GLIS3: variants seen among roughly 807,000 people sequenced by gnomAD.
GLIS3 encodes GLIS family zinc finger 3.
Under a neutral mutation model 78.6 loss-of-function variants are expected in GLIS3, and 53 were observed. That is an observed-to-expected ratio of 0.67 (90% CI 0.54 to 0.85). The LOEUF is 0.85. GLIS3 is among the 40% of genes least tolerant of loss of function. GLIS3 has a pLI of 0.00. For synonymous variants in GLIS3, 684 were observed against 509.9 expected (o/e 1.34, Z -4.60); for missense variants, 1,703 against 1,231.1 (o/e 1.38, Z -5.74).
intron 4 of GLIS3, among the ~76,000 whole-genome samples, chr9:4,049,594 C>T (rs569097854): frequency 7.2e-5 from 11 of 152,240 alleles, no homozygotes; most frequent in East Asian, 3.9e-4. Context: ...AACACACTTG[C>T]GCACACATAG....
At chr9:4,236,229 A>G (rs921668128) in intron 2 of GLIS3, among the ~76,000 whole-genome samples, 5 of 146,400 alleles carry the variant, frequency 3.4e-5, no homozygotes, top group African/African-American at 1.3e-4. Context: ...AGAAAGGAAA[A>G]AAAAGAAAAA....
At chr9:4,445,741 G>A in the GLIS3 span, among the ~76,000 whole-genome samples, 2 of 152,174 alleles carry the variant, frequency 1.3e-5, no homozygotes, top group South Asian at 2.1e-4. Flanking sequence ...CATGTTAGGC[G>A]CAACTCAAAC....
the GLIS3 span, among the ~76,000 whole-genome samples, chr9:4,418,745 G>C: frequency 6.6e-6 from 1 of 152,096 alleles, no homozygotes; most frequent in Non-Finnish European, 1.5e-5. Context: ...GTTGATTCCA[G>C]AATTGGAGGG....
chr9:4,187,502 C>G (rs1309092601), intron 2 of GLIS3, among the ~76,000 whole-genome samples: 2 of 152,044 alleles, frequency 1.3e-5, no homozygotes, highest in Non-Finnish European at 2.9e-5. Context: ...TCCATATGAA[C>G]TTTAAAGTAG....
intron 2 of GLIS3, among the ~76,000 whole-genome samples, chr9:4,191,738 A>T (rs1216275796): frequency 6.6e-6 from 1 of 152,252 alleles, no homozygotes; most frequent in Non-Finnish European, 1.5e-5. Context: ...TAGTAAATGA[A>T]AATGAATTGA....
chr9:4,247,530 C>A (rs1021207620), intron 2 of GLIS3, among the ~76,000 whole-genome samples: 2 of 152,080 alleles, frequency 1.3e-5, no homozygotes, highest in African/African-American at 4.8e-5. Context: ...CTCTAAAGCC[C>A]ATCCACAGAT....
intron 2 of GLIS3, among the ~76,000 whole-genome samples, chr9:4,203,181 T>G (rs921588702): frequency 6.6e-6 from 1 of 152,184 alleles, no homozygotes; most frequent in Admixed American, 6.5e-5. Context: ...AATAGACAGT[T>G]CTCAAAAGAA....
At position 4,143,955 on chromosome 9, in the gene GLIS3, A is replaced by G. The variant is rs200400549; in HGVS notation, c.389-18014T>C. Among the ~76,000 whole-genome samples, 4 of 152,372 alleles carry G rather than the reference A, an allele frequency of 2.6e-5. No homozygotes were observed. In the East Asian group the frequency reaches 7.7e-4, roughly 29 times the overall value. ...CTAGGATCAAGCCAGTGAGAAAGAA[A>G]AGAGAATAGACGACGTCTCCCTTCC... On this transcript the variant is annotated intron_variant, in intron 2 of 10. Transcript: ENST00000381971.
chr9:4,076,451 T>C (rs1278191814), intron 4 of GLIS3, among the ~76,000 whole-genome samples: 1 of 152,204 alleles, frequency 6.6e-6, no homozygotes, highest in Non-Finnish European at 1.5e-5. Flanking sequence ...TAAAGTTTTG[T>C]TCTGAGTACC....
intron 6 of GLIS3, among the ~76,000 whole-genome samples, chr9:3,922,594 G>A (rs1824961614): frequency 6.6e-6 from 1 of 152,090 alleles, no homozygotes; most frequent in African/African-American, 2.4e-5. Context: ...GGGAAATGCG[G>A]AAAAATAATT....
intron 4 of GLIS3, among the ~76,000 whole-genome samples, chr9:4,117,330 T>G (rs1831731645): frequency 6.6e-6 from 1 of 152,176 alleles, no homozygotes; most frequent in African/African-American, 2.4e-5. Context: ...TTTTCAAATA[T>G]CAAAACCACT....
At chr9:4,204,848 A>G (rs1819722117) in intron 2 of GLIS3, among the ~76,000 whole-genome samples, 1 of 151,148 alleles carries the variant, frequency 6.6e-6, no homozygotes, top group African/African-American at 2.4e-5. Flanking sequence ...CGGAAGGCGG[A>G]GGTTGCAGCG....
At chr9:4,182,789 C>T (rs1276307044) in intron 2 of GLIS3, among the ~76,000 whole-genome samples, 4 of 152,196 alleles carry the variant, frequency 2.6e-5, no homozygotes, top group Admixed American at 1.3e-4. Context: ...ATCAGAATCA[C>T]TCAAGGGTGA....
chr9:4,210,984 T>C (rs148960971), intron 2 of GLIS3, among the ~76,000 whole-genome samples: 13 of 152,152 alleles, frequency 8.5e-5, no homozygotes, highest in African/African-American at 3.1e-4. Context: ...ATTGATAAAT[T>C]TGGAATCTGT....
intron 7 of GLIS3, among the ~76,000 whole-genome samples, chr9:3,880,693 A>G (rs556729545): frequency 4.6e-5 from 7 of 152,314 alleles, no homozygotes; most frequent in African/African-American, 1.4e-4. Flanking sequence ...TTATACCAGT[A>G]CCACTTTTCC....
intron 1 of GLIS3, among the ~76,000 whole-genome samples, chr9:4,295,641 G>A (rs990320064): frequency 1.3e-5 from 2 of 152,338 alleles, no homozygotes; most frequent in African/African-American, 4.8e-5. Context: ...CTAGAATGGA[G>A]TGTGAGAGAT....
chr9:3,899,054 G>A lies in GLIS3; in HGVS notation c.1984-219C>T, dbSNP rs1364732815. 13 of 609,554 alleles carry A rather than the reference G, an allele frequency of 2.1e-5. No individual in the cohort carries two copies. In the East Asian group the frequency reaches 2.3e-4, roughly 11 times the overall value. 37.8% of individuals were successfully genotyped at this position (609,554 alleles called of 1,614,324 possible). A position where few individuals can be genotyped will look rare whatever the true frequency, so the allele number is the denominator to read the frequency against. Reference sequence around the variant, plus strand: ...AGCTTCTGGAAAAATGTGGCTAGAGGCGGATTTGACTTCAGTCCTTGATAT... The same window carrying A: ...AGCTTCTGGAAAAATGTGGCTAGAGACGGATTTGACTTCAGTCCTTGATAT... On this transcript the variant is annotated intron_variant, in intron 6 of 10. Coordinates refer to ENST00000381971, the MANE Select transcript of GLIS3 (RefSeq NM_001042413.2).
chr9:4,029,337 T>C (rs10974285), intron 4 of GLIS3, among the ~76,000 whole-genome samples: 12,970 of 151,760 alleles, frequency 0.085, 660 homozygotes, highest in Middle Eastern at 0.13. Context: ...TGTGGGTTCA[T>C]AGTAGGTGTA....
chr9:4,290,222 G>C (rs891561663), intron 1 of GLIS3, among the ~76,000 whole-genome samples: 2 of 151,934 alleles, frequency 1.3e-5, no homozygotes, highest in African/African-American at 4.8e-5. Flanking sequence ...ATTTCCTTAG[G>C]CTACATTTAG....
Sources: gnomAD v4.1 joint callset for allele counts (sites outside exome capture counted in the v4.1 genomes callset) on GRCh38, gnomAD v4.1.1 for gene constraint, MANE v1.5 for transcripts, NCBI Gene and HGNC (gene_info 2026-07-23, HGNC 2026-07-21) for gene names.